The following LHFPL3 variants were observed in gnomAD, a reference collection of about 807,000 sequenced individuals.
LHFPL3 encodes the protein LHFPL tetraspan subfamily member 3 protein.
In LHFPL3, 5 loss-of-function variants were observed where a neutral mutation model predicts 19.3. The observed-to-expected ratio is 0.26, with a 90% CI of 0.14 to 0.54. The LOEUF is 0.54. LHFPL3 is among the 20% of genes least tolerant of loss of function. LHFPL3 has a pLI of 0.94. For missense variants in LHFPL3, 249 were observed against 307.4 expected, an observed-to-expected ratio of 0.81 and a Z score of 1.42; for synonymous variants, 133 against 126.2, an observed-to-expected ratio of 1.05 and a Z score of -0.36.
intron 1 of LHFPL3, among the ~76,000 whole-genome samples, chr7:104,496,135 A>G (rs1337088453): frequency 4.6e-5 from 7 of 152,022 alleles, no homozygotes; most frequent in Non-Finnish European, 1.0e-4. Flanking sequence ...CCACCCCACA[A>G]TAGTCCCCAG....
chr7:104,552,197 A>G (rs1794673548), intron 1 of LHFPL3, among the ~76,000 whole-genome samples: 1 of 152,214 alleles, frequency 6.6e-6, no homozygotes. Flanking sequence ...AAGACGCACC[A>G]GGCAGCAACC....
intron 1 of LHFPL3, among the ~76,000 whole-genome samples, chr7:104,454,496 G>A (rs569978292): frequency 4.8e-4 from 73 of 152,308 alleles, no homozygotes; most frequent in Non-Finnish European, 7.8e-4. Flanking sequence ...GCTGTCAGGA[G>A]TACCTAGAGG....
chr7:104,862,048 C>T (rs540825785), intron 2 of LHFPL3, among the ~76,000 whole-genome samples: 50 of 151,988 alleles, frequency 3.3e-4, no homozygotes, highest in Non-Finnish European at 4.4e-5. Flanking sequence ...GCGATGCTGC[C>T]GAGTATCTCT....
chr7:104,361,509 GA>G (rs1183511767), intron 1 of LHFPL3, among the ~76,000 whole-genome samples: 1 of 152,158 alleles, frequency 6.6e-6, no homozygotes, highest in Non-Finnish European at 1.5e-5. Flanking sequence ...GGAGCTGAAG[GA>G]GAAGCAAGGA....
intron 1 of LHFPL3, among the ~76,000 whole-genome samples, chr7:104,427,399 G>A (rs1424771459): frequency 6.6e-6 from 1 of 152,168 alleles, no homozygotes; most frequent in Non-Finnish European, 1.5e-5. Flanking sequence ...CCATCATAGA[G>A]CTTCCCTTAT....
chr7:104,475,010 T>C (rs1792983595), intron 1 of LHFPL3, among the ~76,000 whole-genome samples: 1 of 152,204 alleles, frequency 6.6e-6, no homozygotes. Context: ...CTGTACTTCA[T>C]GTTTTAGGCC....
intron 1 of LHFPL3, among the ~76,000 whole-genome samples, chr7:104,548,332 A>G (rs1003014950): frequency 1.2e-4 from 18 of 152,214 alleles, no homozygotes; most frequent in African/African-American, 4.1e-4. Context: ...TAACAAATGG[A>G]GAGTTTGAGT....
intron 1 of LHFPL3, among the ~76,000 whole-genome samples, chr7:104,539,752 T>A (rs1489680841): frequency 6.6e-6 from 1 of 152,230 alleles, no homozygotes; most frequent in East Asian, 1.9e-4. Context: ...TTAAATTACT[T>A]TCTTTTAACC....
At chr7:104,864,273 A>AG (rs1791674096) in intron 2 of LHFPL3, among the ~76,000 whole-genome samples, 2 of 152,144 alleles carry the variant, frequency 1.3e-5, no homozygotes, top group Admixed American at 6.5e-5. Flanking sequence ...GGTGCAGGAC[A>AG]GTGGGTGCAG....
At chr7:104,732,285 T>C (rs1793719392) in intron 1 of LHFPL3, among the ~76,000 whole-genome samples, 1 of 152,206 alleles carries the variant, frequency 6.6e-6, no homozygotes. Flanking sequence ...ATTGGAATAG[T>C]TTCGGAAGGC....
rs371764731 is a variant in LHFPL3 at position 104,395,125 on chromosome 7, G to C, written c.445+65901G>C. 6.2e-4 allele frequency among the ~76,000 whole-genome samples: 95 copies of C among 152,174 alleles called. 1 individual carries two copies. Among genetic ancestry groups the C allele is most frequent in the African/African-American group, 2.2e-3 (91 of 41,510 alleles). ...CTTCATTGGCATGACAGACACAGAG[G>C]AGGAGGGATTCTAATGGTCAGTTTA... On this transcript the variant is annotated intron_variant, in intron 1 of 2. Transcript: ENST00000424859.
At chr7:104,371,642 ATTTTCT>A (rs572934801) in intron 1 of LHFPL3, among the ~76,000 whole-genome samples, 1,655 of 94,532 alleles carry the variant, frequency 0.018, 39 homozygotes, top group African/African-American at 0.075. Context: ...AATTAGGCAA[ATTTTCT>A]TTTTTTTTTT....
chr7:104,650,250 A>G (rs866293314), intron 1 of LHFPL3, among the ~76,000 whole-genome samples: 1 of 152,236 alleles, frequency 6.6e-6, no homozygotes, highest in East Asian at 1.9e-4. Flanking sequence ...GGCCACCACA[A>G]TGAGGATATG....
chr7:104,562,950 G>A (rs979532921), intron 1 of LHFPL3, among the ~76,000 whole-genome samples: 1 of 152,178 alleles, frequency 6.6e-6, no homozygotes, highest in African/African-American at 2.4e-5. Context: ...CGTGTGAGGT[G>A]TCAGTGTGCC....
intron 1 of LHFPL3, among the ~76,000 whole-genome samples, chr7:104,619,504 A>G (rs998248501): frequency 6.6e-6 from 1 of 152,152 alleles, no homozygotes; most frequent in Admixed American, 6.6e-5. Flanking sequence ...ATTATGCAGA[A>G]TGATTGAAAT....
chr7:104,657,173 T>A lies in LHFPL3; in HGVS notation c.446-79502T>A, dbSNP rs183845804. 7.9e-4 allele frequency among the ~76,000 whole-genome samples: 121 copies of A among 152,378 alleles called. 2 individuals are homozygous for A. In the South Asian group the frequency reaches 0.024, roughly 30 times the overall value. On this transcript the variant is annotated intron_variant, in intron 1 of 2. Transcript: ENST00000424859. ...ATATTACGAATTCCTCTCCAAGTGG[T>A]TCTTAAGCATCAAAATATTCAATCA...
chr7:104,335,272 C>T (rs1159737670), intron 1 of LHFPL3, among the ~76,000 whole-genome samples: 1 of 152,232 alleles, frequency 6.6e-6, no homozygotes. Flanking sequence ...TAAAGAGAGG[C>T]TTTTCCTCTA....
intron 1 of LHFPL3, among the ~76,000 whole-genome samples, chr7:104,446,561 T>C (rs2116592013): frequency 6.6e-6 from 1 of 152,226 alleles, no homozygotes; most frequent in East Asian, 1.9e-4. Context: ...TTTGTTTTTA[T>C]TTTATTTTTT....
rs1019921042 is a variant in LHFPL3, at chr7:104,495,306, G to A, written c.445+166082G>A. 2.0e-5 allele frequency among the ~76,000 whole-genome samples: 3 copies of A among 152,260 alleles called. No homozygotes were observed. The South Asian group carries it at 6.2e-4, about 32-fold the overall frequency. On this transcript the variant is annotated intron_variant, in intron 1 of 2. Coordinates refer to ENST00000424859, the MANE Select transcript of LHFPL3 (RefSeq NM_199000.3). ...CACTGCAGCCTTGAACACCTGTGCT[G>A]AAGTGATCCTCTCACCTTAGCCTCC...
Sources: allele counts gnomAD v4.1 joint callset (sites outside exome capture counted in the v4.1 genomes callset), GRCh38; gene constraint gnomAD v4.1.1; transcripts MANE v1.5; gene names NCBI Gene and HGNC (gene_info 2026-07-23, HGNC 2026-07-21).